The following SMAD2 variants were observed in gnomAD, a reference collection of about 807,000 sequenced individuals.
SMAD2 encodes the protein SMAD family member 2.
A neutral mutation model predicts 64.4 loss-of-function variants in SMAD2; 8 were observed. The ratio of observed to expected loss-of-function variants is 0.12; its 90% CI spans 0.07 to 0.22. The LOEUF is 0.22. Among genes scored for constraint, SMAD2 ranks in the 10% least tolerant of loss-of-function variants. The pLI, the probability that SMAD2 is intolerant of heterozygous loss-of-function variation, is 1.00. For synonymous variants in SMAD2, 203 were observed against 195.8 expected (o/e 1.04, Z -0.31); for missense variants, 289 against 561.2 (o/e 0.51, Z 4.90).
rs1912912413 is a variant in SMAD2 at position 47,829,686 on chromosome 18, T to G, written c.*12141A>C. 1 of 152,216 alleles carries G rather than the reference T, an allele frequency of 6.6e-6. No homozygotes were observed. Among genetic ancestry groups the G allele is most frequent in the Non-Finnish European group, 1.5e-5 (1 of 68,034 alleles). 9.4% of individuals were successfully genotyped at this position (152,216 alleles called of 1,614,324 possible). A position where few individuals can be genotyped will look rare whatever the true frequency, so the allele number is the denominator to read the frequency against. ...TGCATAGGCAGTATGAAGTAGACACTTTGGCAAATAAAAACTGCACCGTAT... is the reference window on the plus strand; with the variant it reads ...TGCATAGGCAGTATGAAGTAGACACGTTGGCAAATAAAAACTGCACCGTAT... On this transcript the variant is annotated 3_prime_UTR_variant, in exon 11 of 11. Transcript: ENST00000262160.
At chr18:47,878,483 A>AG (rs1167602838) in intron 2 of SMAD2, 1 of 152,194 alleles carries the variant, frequency 6.6e-6, no homozygotes, top group Non-Finnish European at 1.5e-5. Context: ...TTAAAAAATT[A>AG]GCCAGGCATG....
rs2144276650 is a variant in SMAD2 at position 47,841,900 on chromosome 18, C to T, written c.1331G>A (p.Gly444Glu). 2 of 1,613,942 alleles carry T rather than the reference C, an allele frequency of 1.2e-6. No homozygotes were observed. The highest frequency in any genetic ancestry group is 1.7e-6 in the Non-Finnish European group (2 of 1,179,848). The change falls in exon 11 of 11, where the codon GGA becomes GAA. Residue 444 changes from glycine to glutamate, a missense_variant. Coordinates refer to ENST00000262160, the MANE Select transcript of SMAD2 (RefSeq NM_005901.6). ...TACTTTGTCCAACCACTGTAGAGGT[C>T]CATTCAGATGAAGTTCAATCCAGCA... Reference protein sequence around the residue: ...TPCWIELHLNGPLQWLDKVLT... With the variant: ...TPCWIELHLNEPLQWLDKVLT...
intron 1 of SMAD2, among the ~76,000 whole-genome samples, chr18:47,911,942 T>C (rs1454787008): frequency 6.6e-6 from 1 of 152,232 alleles, no homozygotes; most frequent in Non-Finnish European, 1.5e-5. Flanking sequence ...ATTCCTACTC[T>C]GTGCCACAAA....
intron 1 of SMAD2, among the ~76,000 whole-genome samples, chr18:47,920,370 C>T (rs984898706): frequency 1.3e-5 from 2 of 152,142 alleles, no homozygotes; most frequent in Admixed American, 6.5e-5. Context: ...TATTTCAATT[C>T]GCAATCCGTA....
chr18:47,884,603 A>AT (rs1262852152), intron 2 of SMAD2, among the ~76,000 whole-genome samples: 11 of 152,222 alleles, frequency 7.2e-5, no homozygotes, highest in Non-Finnish European at 1.5e-4. Context: ...TGTAAGAGAC[A>AT]TTTTCTCAGG....
At chr18:47,860,330 G>T (rs1007916543) in intron 6 of SMAD2, among the ~76,000 whole-genome samples, 1 of 151,980 alleles carries the variant, frequency 6.6e-6, no homozygotes, top group African/African-American at 2.4e-5. Context: ...GGAGTGCAGC[G>T]GCGCAAACAT....
At chr18:47,857,466 A>G (rs1052670284) in intron 6 of SMAD2, among the ~76,000 whole-genome samples, 4 of 152,224 alleles carry the variant, frequency 2.6e-5, no homozygotes, top group Non-Finnish European at 5.9e-5. Flanking sequence ...AAACTCCTAC[A>G]GAGTTCCCCT....
At chr18:47,877,542 A>G (rs943287882) in intron 2 of SMAD2, among the ~76,000 whole-genome samples, 4 of 152,286 alleles carry the variant, frequency 2.6e-5, no homozygotes, top group African/African-American at 9.6e-5. Flanking sequence ...AATATAATTG[A>G]AAGACACAAA....
intron 2 of SMAD2, among the ~76,000 whole-genome samples, chr18:47,884,650 C>T (rs1028803883): frequency 5.3e-5 from 8 of 151,898 alleles, no homozygotes; most frequent in African/African-American, 1.7e-4. Flanking sequence ...TTGAGAAAGC[C>T]CCTTCCAAAT....
intron 2 of SMAD2, among the ~76,000 whole-genome samples, chr18:47,891,386 G>T (rs375627028): frequency 6.6e-6 from 1 of 152,136 alleles, no homozygotes; most frequent in Admixed American, 6.5e-5. Flanking sequence ...TGAGGAACTA[G>T]TAATACAACG....
In SMAD2 at chr18:47,832,710, TA is replaced by T. The variant is rs1913048440; in HGVS notation, c.*9116del. On this transcript the variant is annotated 3_prime_UTR_variant, in exon 11 of 11. Coordinates refer to ENST00000262160, the MANE Select transcript of SMAD2 (RefSeq NM_005901.6). ...TGGAGCCTTAAAAATGTTATTTTGT[TA>T]AAAGTATATTTCAGCAAATTTCAAC... 6.6e-6 allele frequency: 1 copy of T among 152,214 alleles called. No homozygotes were observed. The highest frequency in any genetic ancestry group is 6.5e-5 in the Admixed American group (1 of 15,290). 9.4% of individuals were successfully genotyped at this position (152,214 alleles called of 1,614,324 possible).
chr18:47,862,605 ACAAC>A (rs2031269190), intron 6 of SMAD2, among the ~76,000 whole-genome samples: 1 of 152,216 alleles, frequency 6.6e-6, no homozygotes, highest in Admixed American at 6.5e-5. Context: ...TTCATCTTAA[ACAAC>A]TACATTTACA....
chr18:47,844,665 T>A (rs967719033), intron 10 of SMAD2, among the ~76,000 whole-genome samples: 4 of 152,224 alleles, frequency 2.6e-5, no homozygotes, highest in African/African-American at 9.6e-5. Context: ...ATCAGCTTTC[T>A]ATGTCTATTT....
chr18:47,872,784 C>G (rs1177783546), intron 2 of SMAD2, among the ~76,000 whole-genome samples: 1 of 152,162 alleles, frequency 6.6e-6, no homozygotes, highest in African/African-American at 2.4e-5. Flanking sequence ...ATCCCAAAAC[C>G]ATTGCCGCAC....
intron 7 of SMAD2, among the ~76,000 whole-genome samples, chr18:47,849,466 A>G (rs1039226118): frequency 7.6e-6 from 1 of 131,542 alleles, no homozygotes; most frequent in Non-Finnish European, 1.6e-5. Context: ...CAAAAATAAT[A>G]ATAGTAATAC....
chr18:47,838,671 T>C lies in SMAD2; in HGVS notation c.*3156A>G. 4.3e-6 allele frequency: 1 copy of C among 232,958 alleles called. No homozygotes were observed. The highest frequency in any genetic ancestry group is 2.2e-5 in the African/African-American group (1 of 45,448). The allele number at this position is 232,958 out of a possible 1,614,324, so 14.4% of individuals were successfully genotyped here. On this transcript the variant is annotated 3_prime_UTR_variant, in exon 11 of 11. Transcript: ENST00000262160. The stretch of plus-strand genomic sequence containing the variant: ...CGTTGACCAGTGGTTATAAAGACTT[T>C]CTGAGCTTCTTTTTAAAGCAATGAA...
At chr18:47,872,461 A>G (rs929665590) in intron 2 of SMAD2, among the ~76,000 whole-genome samples, 4 of 152,224 alleles carry the variant, frequency 2.6e-5, no homozygotes, top group African/African-American at 7.2e-5. Flanking sequence ...ACAATATGGT[A>G]TAACAACTAT....
chr18:47,902,867 C>G (rs2033741567), intron 1 of SMAD2, among the ~76,000 whole-genome samples: 1 of 152,086 alleles, frequency 6.6e-6, no homozygotes, highest in South Asian at 2.1e-4. Context: ...GAGGAATAAT[C>G]CTGCCATAAA....
intron 6 of SMAD2, among the ~76,000 whole-genome samples, chr18:47,854,541 A>G (rs1024451921): frequency 2.0e-5 from 3 of 152,118 alleles, no homozygotes; most frequent in Non-Finnish European, 2.9e-5. Context: ...CTGTTCTTTT[A>G]GCCAATTCTA....
Sources: gnomAD v4.1 joint callset for allele counts (sites outside exome capture counted in the v4.1 genomes callset) on GRCh38, gnomAD v4.1.1 for gene constraint, MANE v1.5 for transcripts, NCBI Gene and HGNC (gene_info 2026-07-23, HGNC 2026-07-21) for gene names.